The following RANBP2 variants were observed in gnomAD, a reference collection of about 807,000 sequenced individuals.
RANBP2 encodes the protein RAN binding protein 2.
A neutral mutation model predicts 303.6 loss-of-function variants in RANBP2; 57 were observed. The ratio of observed to expected loss-of-function variants is 0.19; its 90% CI spans 0.15 to 0.23. RANBP2 has a LOEUF of 0.23. Ranked by LOEUF, RANBP2 falls within the 10% of genes least tolerant of loss-of-function variation. RANBP2 has a pLI of 1.00. For synonymous variants in RANBP2, 1,167 were observed against 1,301.5 expected (o/e 0.90, Z 2.23); for missense variants, 3,138 against 3,780.8 (o/e 0.83, Z 4.46).
At chr2:109,033,482 A>G in the RANBP2 span, among the ~76,000 whole-genome samples, 1 of 152,304 alleles carries the variant, frequency 6.6e-6, no homozygotes, top group African/African-American at 2.4e-5. Flanking sequence ...AGCTGAGAAG[A>G]TGGGAGCCCA....
chr2:108,888,577 T>C, the RANBP2 span, among the ~76,000 whole-genome samples: 1 of 152,116 alleles, frequency 6.6e-6, no homozygotes, highest in African/African-American at 2.4e-5. Context: ...CCATTTTCTC[T>C]GTGTTTTCTA....
At chr2:109,064,051 C>T in the RANBP2 span, among the ~76,000 whole-genome samples, 1 of 152,176 alleles carries the variant, frequency 6.6e-6, no homozygotes, top group African/African-American at 2.4e-5. Context: ...AGAAGAGATA[C>T]TATGAGTTCT....
the RANBP2 span, chr2:109,544,009 G>A: frequency 1.4e-6 from 1 of 725,194 alleles, no homozygotes; most frequent in Non-Finnish European, 2.2e-6. Context: ...AGAAAGCAAA[G>A]GTGTCGGGTG....
the RANBP2 span, among the ~76,000 whole-genome samples, chr2:109,033,785 T>C: frequency 6.6e-6 from 1 of 150,992 alleles, no homozygotes; most frequent in African/African-American, 2.4e-5. Flanking sequence ...AAACCCCGTC[T>C]CTACTAAAAA....
the RANBP2 span, among the ~76,000 whole-genome samples, chr2:109,206,561 C>A: frequency 6.8e-6 from 1 of 146,210 alleles, no homozygotes; most frequent in Non-Finnish European, 1.5e-5. Flanking sequence ...ATAATCCCAG[C>A]AGTTTGGGAG....
chr2:108,997,008 G>T, the RANBP2 span, among the ~76,000 whole-genome samples: 1 of 152,218 alleles, frequency 6.6e-6, no homozygotes, highest in Non-Finnish European at 1.5e-5. Context: ...CTGCTGTAAG[G>T]GTGGGGAGTG....
chr2:109,716,161 G>A, the RANBP2 span, among the ~76,000 whole-genome samples: 34 of 151,990 alleles, frequency 2.2e-4, no homozygotes, highest in African/African-American at 6.0e-4. Context: ...AGTAGGTAGG[G>A]GAATAGTCAA....
the RANBP2 span, among the ~76,000 whole-genome samples, chr2:109,479,840 C>T: frequency 6.6e-6 from 1 of 152,136 alleles, no homozygotes; most frequent in Non-Finnish European, 1.5e-5. Context: ...ATGAAGACCC[C>T]GGGACTCACT....
Position 108,731,475 on chromosome 2 carries a change from G to A in RANBP2, c.405+1G>A. On this transcript the variant is annotated splice_donor_variant, in intron 4 of 28. Transcript: ENST00000283195. LOFTEE classifies it high-confidence loss of function. Reference sequence around the variant, plus strand: ...AAGTCCTGCAATTTATAAACTAAAGGTAAACAAACAAAACATAAAGGGAGA... The same window carrying A: ...AAGTCCTGCAATTTATAAACTAAAGATAAACAAACAAAACATAAAGGGAGA... The A allele has an allele frequency of 6.2e-7, 1 of 1,611,162 alleles. No individual in the cohort carries two copies. The highest frequency in any genetic ancestry group is 8.5e-7 in the Non-Finnish European group (1 of 1,179,434).
At chr2:109,307,390 C>G in the RANBP2 span, among the ~76,000 whole-genome samples, 4 of 151,254 alleles carry the variant, frequency 2.6e-5, no homozygotes, top group Non-Finnish European at 5.9e-5. Flanking sequence ...CATCCATGCT[C>G]TGGGCGGAAG....
At chr2:108,733,673 A>G (rs1426985311) in intron 4 of RANBP2, among the ~76,000 whole-genome samples, 1 of 152,196 alleles carries the variant, frequency 6.6e-6, no homozygotes, top group Non-Finnish European at 1.5e-5. Flanking sequence ...TGCCTCAAAC[A>G]TAACTCCCAT....
At chr2:108,966,320 T>C in the RANBP2 span, among the ~76,000 whole-genome samples, 3 of 152,222 alleles carry the variant, frequency 2.0e-5, no homozygotes, top group East Asian at 1.9e-4. Context: ...CACATGAACT[T>C]TGGGTGAAGG....
chr2:108,746,154 C>A (rs1417437959), intron 7 of RANBP2, among the ~76,000 whole-genome samples: 1 of 151,872 alleles, frequency 6.6e-6, no homozygotes, highest in Non-Finnish European at 1.5e-5. Flanking sequence ...GCGATCCCCC[C>A]ACCTTGGCCT....
At chr2:109,187,068 T>G in the RANBP2 span, among the ~76,000 whole-genome samples, 2 of 150,040 alleles carry the variant, frequency 1.3e-5, no homozygotes, top group Non-Finnish European at 3.0e-5. Flanking sequence ...CACGGATCAT[T>G]TAAGCATATT....
the RANBP2 span, among the ~76,000 whole-genome samples, chr2:108,956,616 G>A: frequency 2.0e-5 from 3 of 152,160 alleles, no homozygotes; most frequent in Non-Finnish European, 2.9e-5. Flanking sequence ...TTCCCTCATA[G>A]ATGCTTGATT....
At chr2:108,846,676 CA>C in the RANBP2 span, 578 of 1,412,758 alleles carry the variant, frequency 4.1e-4, no homozygotes, top group South Asian at 4.7e-4. Flanking sequence ...GACTGTGTCT[CA>C]AAAAAAAAGA....
chr2:109,455,982 A>T, the RANBP2 span, among the ~76,000 whole-genome samples: 1 of 152,354 alleles, frequency 6.6e-6, no homozygotes, highest in Middle Eastern at 3.4e-3. Context: ...ACCATCATGC[A>T]GGTCTTAGGG....
chr2:109,740,260 T>C, the RANBP2 span, among the ~76,000 whole-genome samples: 1 of 151,944 alleles, frequency 6.6e-6, no homozygotes, highest in Non-Finnish European at 1.5e-5. Context: ...GTGCTGTGAT[T>C]ACAGGCGTGA....
chr2:109,114,128 A>T, the RANBP2 span, among the ~76,000 whole-genome samples: 2 of 152,160 alleles, frequency 1.3e-5, no homozygotes, highest in Non-Finnish European at 2.9e-5. Context: ...CAGCTTTGGT[A>T]TCAGGATGAT....
Sources: allele counts gnomAD v4.1 joint callset (sites outside exome capture counted in the v4.1 genomes callset), GRCh38; gene constraint gnomAD v4.1.1; transcripts MANE v1.5; gene names NCBI Gene and HGNC (gene_info 2026-07-23, HGNC 2026-07-21).